The following MAMDC2 variants were observed in gnomAD, a reference collection of about 807,000 sequenced individuals.
MAMDC2 encodes the protein MAM domain-containing protein 2.
Under a neutral mutation model 89.8 loss-of-function variants are expected in MAMDC2, and 57 were observed. The observed-to-expected ratio is 0.63, with a 90% CI of 0.51 to 0.79. The LOEUF (loss-of-function observed/expected upper bound fraction) is 0.79. Among genes scored for constraint, MAMDC2 ranks in the 30% least tolerant of loss-of-function variants. The pLI is 0.00. For synonymous variants in MAMDC2, 313 were observed against 293.4 expected, an observed-to-expected ratio of 1.07 and a Z score of -0.68; for missense variants, 800 against 820.6, an observed-to-expected ratio of 0.97 and a Z score of 0.31.
At chr9:70,150,205 G>C (rs2031541168) in intron 9 of MAMDC2, among the ~76,000 whole-genome samples, 2 of 152,178 alleles carry the variant, frequency 1.3e-5, no homozygotes, top group Non-Finnish European at 2.9e-5. Flanking sequence ...TGTCCACAGA[G>C]AGTACATGTT....
intron 9 of MAMDC2, among the ~76,000 whole-genome samples, chr9:70,147,298 C>T (rs1371072596): frequency 6.7e-6 from 1 of 149,960 alleles, no homozygotes; most frequent in African/African-American, 2.5e-5. Context: ...TAAAATTCTA[C>T]TTCCACTTCT....
At chr9:70,110,774 GTGGGAAAACCCC>G (rs990713366) in intron 4 of MAMDC2, among the ~76,000 whole-genome samples, 1 of 152,200 alleles carries the variant, frequency 6.6e-6, no homozygotes, top group African/African-American at 2.4e-5. Context: ...TGCATAGCAG[GTGGGAAAACCCC>G]TAGGAAGCAG....
At chr9:70,058,590 C>T (rs115741483) in intron 2 of MAMDC2, among the ~76,000 whole-genome samples, 1 of 152,270 alleles carries the variant, frequency 6.6e-6, no homozygotes, top group African/African-American at 2.4e-5. Context: ...GTGAGGCAGA[C>T]AGAAGCCTGC....
At chr9:70,159,913 T>TTAGA (rs2031906691) in intron 9 of MAMDC2, among the ~76,000 whole-genome samples, 1 of 152,052 alleles carries the variant, frequency 6.6e-6, no homozygotes, top group Admixed American at 6.6e-5. Flanking sequence ...CGGAGGCCTA[T>TTAGA]TAGAAATCAC....
chr9:70,201,936 TTC>T (rs537866548), intron 11 of MAMDC2, among the ~76,000 whole-genome samples: 6,663 of 147,734 alleles, frequency 0.045, 176 homozygotes, highest in South Asian at 0.067. Context: ...TATTTGATTC[TTC>T]TCTCTTTTTT....
chr9:70,045,001 GGCCTCTGCAGGCACACCAGCTGTGT>G lies in MAMDC2; in HGVS notation c.148+317_148+341del, dbSNP rs548788524. Among the ~76,000 whole-genome samples, 595 of 152,284 alleles carry G rather than the reference GGCCTCTGCAGGCACACCAGCTGTGT, an allele frequency of 3.9e-3. 5 individuals are homozygous for G. The highest frequency in any genetic ancestry group is 0.012 in the African/African-American group (504 of 41,570). ...CAGCTAATGATTGTTCTCCGCTGTG[GGCCTCTGCAGGCACACCAGCTGTGT>G]GCCTCTGCAGGCCAGCAACCTTTCT... On this transcript the variant is annotated intron_variant, in intron 2 of 13. Coordinates refer to ENST00000377182, the MANE Select transcript of MAMDC2 (RefSeq NM_153267.5).
chr9:70,051,013 A>G (rs1367948944), intron 2 of MAMDC2, among the ~76,000 whole-genome samples: 1 of 152,214 alleles, frequency 6.6e-6, no homozygotes, highest in Non-Finnish European at 1.5e-5. Context: ...CCAGCCTGCT[A>G]GTGCCTCAGC....
intron 2 of MAMDC2, among the ~76,000 whole-genome samples, chr9:70,084,020 G>A (rs1332169495): frequency 2.6e-5 from 4 of 152,132 alleles, no homozygotes; most frequent in African/African-American, 7.2e-5. Context: ...TTAATGTTTT[G>A]TGATCTCGAG....
At position 70,044,124 on chromosome 9, in the gene MAMDC2, T is replaced by A. The variant is rs991855619; in HGVS notation, c.-74T>A. Reference sequence around the variant, plus strand: ...GGCGCCCCCGCCTCCCACGATCCCTTTCACTAGGAGCAGCCAGTCCCAGCG... The same window carrying A: ...GGCGCCCCCGCCTCCCACGATCCCTATCACTAGGAGCAGCCAGTCCCAGCG... On this transcript the variant is annotated 5_prime_UTR_variant, in exon 1 of 14. Transcript: ENST00000377182. 1.3e-5 allele frequency: 21 copies of A among 1,579,248 alleles called. No individual in the cohort carries two copies. Among genetic ancestry groups the A allele is most frequent in the Non-Finnish European group, 1.8e-5 (21 of 1,151,052 alleles).
intron 4 of MAMDC2, among the ~76,000 whole-genome samples, chr9:70,112,776 G>A (rs966839627): frequency 2.0e-5 from 3 of 152,148 alleles, no homozygotes; most frequent in Admixed American, 6.5e-5. Flanking sequence ...ATAAGTGGAA[G>A]GGCCATAATC....
At chr9:70,084,016 T>C (rs986236884) in intron 2 of MAMDC2, among the ~76,000 whole-genome samples, 11 of 152,118 alleles carry the variant, frequency 7.2e-5, no homozygotes, top group African/African-American at 2.2e-4. Context: ...AATGTTAATG[T>C]TTTGTGATCT....
intron 12 of MAMDC2, among the ~76,000 whole-genome samples, chr9:70,220,880 TAG>T (rs1296767043): frequency 1.3e-5 from 2 of 152,206 alleles, no homozygotes; most frequent in Admixed American, 6.5e-5. Context: ...ATTGCAGAGT[TAG>T]AGAGTCAAAG....
intron 12 of MAMDC2, among the ~76,000 whole-genome samples, chr9:70,223,004 T>C (rs769249152): frequency 5.3e-5 from 8 of 151,970 alleles, no homozygotes; most frequent in Non-Finnish European, 1.0e-4. Flanking sequence ...CCAGGTTTGG[T>C]GGTGCATGCC....
At chr9:70,099,844 G>A (rs1828119675) in intron 2 of MAMDC2, among the ~76,000 whole-genome samples, 1 of 151,946 alleles carries the variant, frequency 6.6e-6, no homozygotes. Context: ...GCGTGGTGCC[G>A]GGTGCCTGTA....
chr9:70,101,770 C>T (rs1282800666), intron 2 of MAMDC2, among the ~76,000 whole-genome samples: 1 of 152,182 alleles, frequency 6.6e-6, no homozygotes, highest in African/African-American at 2.4e-5. Context: ...TTTCTCAGAA[C>T]CTATCTTCAT....
intron 2 of MAMDC2, chr9:70,085,770 A>G (rs1827757091): frequency 6.6e-6 from 1 of 152,110 alleles, no homozygotes; most frequent in Non-Finnish European, 1.5e-5. Context: ...TGTAAGCAAA[A>G]TGATAGAGAT....
chr9:70,044,580 G>T lies in MAMDC2; in HGVS notation c.35-4G>T, dbSNP rs957815078. The T allele has an allele frequency of 2.4e-5, 37 of 1,548,512 alleles. No individual in the cohort carries two copies. The highest frequency in any genetic ancestry group is 3.1e-5 in the Non-Finnish European group (35 of 1,146,360). The stretch of plus-strand genomic sequence containing the variant: ...TCGAACTGAAACTCGCTTTGTGCCC[G>T]CAGCCCTGCAGCTCGCCGGTGCCCT... On this transcript the variant is annotated splice_region_variant and splice_polypyrimidine_tract_variant and intron_variant, in intron 1 of 13. Transcript: ENST00000377182.
chr9:70,045,204 T>C (rs1826718281), intron 2 of MAMDC2, among the ~76,000 whole-genome samples: 1 of 152,162 alleles, frequency 6.6e-6, no homozygotes, highest in African/African-American at 2.4e-5. Flanking sequence ...TGCTGCATGA[T>C]TTCATCCTCA....
At chr9:70,151,348 T>C (rs1028531780) in intron 9 of MAMDC2, among the ~76,000 whole-genome samples, 1 of 152,268 alleles carries the variant, frequency 6.6e-6, no homozygotes, top group African/African-American at 2.4e-5. Flanking sequence ...ACTTGTTTAT[T>C]GTCCATCTCT....
Sources: allele counts gnomAD v4.1 joint callset (sites outside exome capture counted in the v4.1 genomes callset), GRCh38; gene constraint gnomAD v4.1.1; transcripts MANE v1.5; gene names NCBI Gene and HGNC (gene_info 2026-07-23, HGNC 2026-07-21).